Variants in HOMER2 observed in about 807,000 individuals in gnomAD.
HOMER2 encodes homer protein homolog 2.
In HOMER2, 27 loss-of-function variants were observed where a neutral mutation model predicts 47.0. The observed-to-expected ratio is 0.57, with a 90% confidence interval of 0.42 to 0.79. The LOEUF (loss-of-function observed/expected upper bound fraction) is 0.79, where lower values mean the gene tolerates loss of function less well. Ranked by LOEUF, HOMER2 falls within the 30% of genes least tolerant of loss-of-function variation. The pLI is 0.00. For synonymous variants in HOMER2, 161 were observed against 163.8 expected (o/e 0.98, Z 0.13); for missense variants, 443 against 435.0 (o/e 1.02, Z -0.16).
chr15:82,976,546 G>A (rs968591929), intron 1 of HOMER2, among the ~76,000 whole-genome samples: 6 of 150,674 alleles, frequency 4.0e-5, no homozygotes, highest in East Asian at 2.0e-4. Flanking sequence ...TGATCCACCC[G>A]CCTCGGCTTC....
At chr15:82,868,496 A>AT (rs147644224) in intron 3 of HOMER2, among the ~76,000 whole-genome samples, 1,272 of 118,112 alleles carry the variant, frequency 0.011, 36 homozygotes, top group African/African-American at 0.037. Context: ...TTTAAGTTAC[A>AT]TAAGTTATAT....
intron 1 of HOMER2, among the ~76,000 whole-genome samples, chr15:82,968,784 A>C (rs1189772229): frequency 6.6e-6 from 1 of 152,208 alleles, no homozygotes; most frequent in African/African-American, 2.4e-5. Context: ...TCAAAGTCTA[A>C]AAAGTACTTT....
At chr15:82,866,523 G>A (rs1191122929) in intron 3 of HOMER2, among the ~76,000 whole-genome samples, 1 of 152,188 alleles carries the variant, frequency 6.6e-6, no homozygotes, top group Non-Finnish European at 1.5e-5. Context: ...TTTGAAATGT[G>A]ATGACATGAG....
At chr15:82,853,515 C>T (rs918472005) in intron 6 of HOMER2, among the ~76,000 whole-genome samples, 5 of 152,110 alleles carry the variant, frequency 3.3e-5, no homozygotes, top group South Asian at 4.1e-4. Context: ...CAGGGGCCCT[C>T]CAGGTCGGGC....
chr15:82,986,097 G>C (rs1198634470), upstream of HOMER2: 1 of 985,428 alleles, frequency 1.0e-6, no homozygotes, highest in Non-Finnish European at 1.2e-6. Flanking sequence ...AGCTCTGGGC[G>C]TTGTGCCAGC....
At chr15:82,928,043 A>C (rs1201665883) in intron 1 of HOMER2, among the ~76,000 whole-genome samples, 1 of 151,174 alleles carries the variant, frequency 6.6e-6, no homozygotes, top group Admixed American at 6.6e-5. Flanking sequence ...ATGACTGCCC[A>C]TGTGGGATGA....
intron 3 of HOMER2, 42 bp from the exon 4 acceptor site, chr15:82,864,301 C>T (rs77370587): frequency 1.4e-6 from 2 of 1,393,756 alleles, no homozygotes; most frequent in East Asian, 2.3e-5. Flanking sequence ...ATTAACCTCA[C>T]TCATGGCTGG....
chr15:82,876,648 G>A (rs939133598), intron 2 of HOMER2, among the ~76,000 whole-genome samples: 1 of 152,176 alleles, frequency 6.6e-6, no homozygotes, highest in Non-Finnish European at 1.5e-5. Flanking sequence ...GGGAATAAGA[G>A]CAATCTAAGT....
chr15:82,940,999 T>C lies in HOMER2; in HGVS notation c.5+11532A>G, dbSNP rs568792778. Among the ~76,000 whole-genome samples the C allele has an allele frequency of 2.8e-4, 42 of 152,292 alleles. 1 individual carries two copies. Among genetic ancestry groups the C allele is most frequent in the Admixed American group, 9.2e-4 (14 of 15,298 alleles). ...ATATAACCCTAGAAGCTGCCTCAGATCCATTACAGAGCAAGGCAAGGTTTA... is the reference window on the plus strand; with the variant it reads ...ATATAACCCTAGAAGCTGCCTCAGACCCATTACAGAGCAAGGCAAGGTTTA... On this transcript the variant is annotated intron_variant, in intron 1 of 8. Transcript: ENST00000450735.
chr15:82,851,700 G>A (rs948663714), intron 7 of HOMER2, among the ~76,000 whole-genome samples: 22 of 152,214 alleles, frequency 1.4e-4, no homozygotes, highest in African/African-American at 5.1e-4. Flanking sequence ...GGAGGCTGAG[G>A]TGGGCGGAAT....
intron 1 of HOMER2, among the ~76,000 whole-genome samples, chr15:82,944,819 C>A (rs2054340365): frequency 6.6e-6 from 1 of 151,918 alleles, no homozygotes; most frequent in African/African-American, 2.4e-5. Context: ...TACATCCCTG[C>A]CAACTGGCTC....
In HOMER2 at chr15:82,943,890, C is replaced by T. The variant is rs77253060; in HGVS notation, c.5+8641G>A. ...TTTGACTGGGAGCCACTTGTGTACT[C>T]AAGAGCTTCTTTTTAATACACGGCT... On this transcript the variant is annotated intron_variant, in intron 1 of 8. Coordinates refer to ENST00000450735, the MANE Select transcript of HOMER2 (RefSeq NM_004839.4). 2.5e-4 allele frequency among the ~76,000 whole-genome samples: 38 copies of T among 152,316 alleles called. No individual in the cohort carries two copies. In the East Asian group the frequency reaches 6.6e-3, roughly 26 times the overall value.
At chr15:82,955,137 A>G (rs977676972), upstream of HOMER2, among the ~76,000 whole-genome samples, 1 of 149,226 alleles carries the variant, frequency 6.7e-6, no homozygotes, top group Admixed American at 6.7e-5. Flanking sequence ...TTCAAAACCT[A>G]TAATCTACGT....
chr15:82,974,617 A>G (rs1236954263), intron 1 of HOMER2, among the ~76,000 whole-genome samples: 1 of 152,182 alleles, frequency 6.6e-6, no homozygotes, highest in Non-Finnish European at 1.5e-5. Context: ...GATATTGCAC[A>G]GGGGCTCCCT....
At chr15:82,863,943 A>G (rs2051876832) in intron 4 of HOMER2, among the ~76,000 whole-genome samples, 1 of 152,230 alleles carries the variant, frequency 6.6e-6, no homozygotes, top group Admixed American at 6.5e-5. Context: ...CAGGATGTGT[A>G]TTAACTCAAA....
intron 2 of HOMER2, 46 bp from the exon 3 acceptor site, chr15:82,875,450 G>A: frequency 6.3e-7 from 1 of 1,597,460 alleles, no homozygotes; most frequent in African/African-American, 1.3e-5. Flanking sequence ...TGTTGAATGA[G>A]ACAAAGTCAT....
intron 2 of HOMER2, among the ~76,000 whole-genome samples, chr15:82,891,606 C>G (rs1180810535): frequency 6.6e-6 from 1 of 151,994 alleles, no homozygotes; most frequent in African/African-American, 2.4e-5. Flanking sequence ...ATTCTATTGC[C>G]CAGCCCCTGA....
intron 4 of HOMER2, 138 bp from the exon 5 acceptor site, chr15:82,859,273 A>C: frequency 8.4e-7 from 1 of 1,186,050 alleles, no homozygotes. Flanking sequence ...AACTCATCCA[A>C]CCAGAATGCA....
chr15:82,892,842 C>T lies in HOMER2; in HGVS notation c.6-1G>A, dbSNP rs777424868. On this transcript the variant is annotated splice_acceptor_variant, in intron 1 of 8. Transcript: ENST00000450735. LOFTEE classifies it high-confidence loss of function. The stretch of plus-strand genomic sequence containing the variant: ...TCGGGTGGTGAAGATGGGCTGTTCT[C>T]TGCAATAAGAGAGTGGGCGTGTGAG... 1 of 1,569,022 alleles carries T rather than the reference C, an allele frequency of 6.4e-7. No individual in the cohort carries two copies. The highest frequency in any genetic ancestry group is 8.7e-7 in the Non-Finnish European group (1 of 1,149,696).
Sources: gnomAD v4.1 joint callset for allele counts (sites outside exome capture counted in the v4.1 genomes callset) on GRCh38, gnomAD v4.1.1 for gene constraint, MANE v1.5 for transcripts, NCBI Gene and HGNC (gene_info 2026-07-23, HGNC 2026-07-21) for gene names.